The following ULK4 variants were observed in gnomAD, a reference collection of about 807,000 sequenced individuals.
The protein encoded by ULK4 is unc-51 like kinase 4.
A neutral mutation model predicts 160.6 loss-of-function variants in ULK4; 133 were observed. The ratio of observed to expected loss-of-function variants is 0.83; its 90% confidence interval spans 0.72 to 0.96. The LOEUF is 0.96. ULK4 is among the 40% of genes least tolerant of loss of function. ULK4 has a pLI of 0.00. For synonymous variants in ULK4, 534 were observed against 539.8 expected (o/e 0.99, Z 0.15); for missense variants, 1,580 against 1,499.5 (o/e 1.05, Z -0.89).
At chr3:41,959,462 G>A (rs1255763749) in intron 1 of ULK4, among the ~76,000 whole-genome samples, 2 of 151,868 alleles carry the variant, frequency 1.3e-5, no homozygotes, top group Non-Finnish European at 2.9e-5. Context: ...AGGAGGCACA[G>A]GTTGCAGTGA....
At chr3:41,849,777 T>TC (rs1398206538) in intron 17 of ULK4, among the ~76,000 whole-genome samples, 1 of 152,164 alleles carries the variant, frequency 6.6e-6, no homozygotes, top group African/African-American at 2.4e-5. Flanking sequence ...TGCCTTTCTC[T>TC]CAATTTTGAT....
At chr3:41,825,526 G>A (rs972338130) in intron 18 of ULK4, among the ~76,000 whole-genome samples, 6 of 152,204 alleles carry the variant, frequency 3.9e-5, no homozygotes, top group African/African-American at 7.2e-5. Flanking sequence ...CGCAAGCCTC[G>A]GTAGCCAATT....
chr3:41,516,247 CT>C (rs1157568434), intron 32 of ULK4, among the ~76,000 whole-genome samples: 1 of 152,098 alleles, frequency 6.6e-6, no homozygotes, highest in African/African-American at 2.4e-5. Flanking sequence ...TTTTTAAACT[CT>C]TTGTGTAACT....
intron 32 of ULK4, among the ~76,000 whole-genome samples, chr3:41,490,909 T>C (rs941537959): frequency 1.3e-5 from 2 of 152,118 alleles, no homozygotes; most frequent in African/African-American, 4.8e-5. Context: ...CAATCAGTGC[T>C]CAATAAATGT....
intron 17 of ULK4, chr3:41,859,611 G>A (rs1415678184): frequency 6.1e-6 from 3 of 494,014 alleles, no homozygotes; most frequent in African/African-American, 6.0e-5. Context: ...TGCCTGAGCT[G>A]CCAGCCTCTG....
At chr3:41,472,558 G>A (rs1322302560) in intron 32 of ULK4, among the ~76,000 whole-genome samples, 2 of 147,646 alleles carry the variant, frequency 1.4e-5, no homozygotes, top group African/African-American at 5.0e-5. Flanking sequence ...GACAGAGTGG[G>A]ACTGTCAAAA....
intron 15 of ULK4, among the ~76,000 whole-genome samples, chr3:41,896,098 T>C (rs1213035800): frequency 6.6e-6 from 1 of 152,092 alleles, no homozygotes; most frequent in Non-Finnish European, 1.5e-5. Context: ...AAAAATGTCT[T>C]AGAGGATTGA....
chr3:41,631,975 G>A (rs1223369052), intron 30 of ULK4, among the ~76,000 whole-genome samples: 1 of 152,130 alleles, frequency 6.6e-6, no homozygotes, highest in Non-Finnish European at 1.5e-5. Context: ...TTCTTTCTGG[G>A]TCCTGAGCCT....
chr3:41,315,639 C>G (rs545194839), intron 35 of ULK4, among the ~76,000 whole-genome samples: 2 of 152,160 alleles, frequency 1.3e-5, no homozygotes, highest in South Asian at 4.1e-4. Context: ...CTTCCCGGCT[C>G]GGCACTACAG....
intron 21 of ULK4, among the ~76,000 whole-genome samples, chr3:41,785,500 T>C (rs537819729): frequency 6.6e-6 from 1 of 152,314 alleles, no homozygotes; most frequent in African/African-American, 2.4e-5. Context: ...TAATTTCTTT[T>C]ATTTAAAAGG....
intron 19 of ULK4, among the ~76,000 whole-genome samples, chr3:41,817,499 T>C (rs764213475): frequency 6.6e-6 from 1 of 152,184 alleles, no homozygotes; most frequent in African/African-American, 2.4e-5. Context: ...GAAGCCATTA[T>C]CCTAAACAAA....
chr3:41,673,244 T>C (rs2035596717), intron 29 of ULK4, among the ~76,000 whole-genome samples: 1 of 152,108 alleles, frequency 6.6e-6, no homozygotes, highest in African/African-American at 2.4e-5. Flanking sequence ...ATACCTATTT[T>C]AACATAGAAT....
chr3:41,682,067 T>C (rs2035941642), intron 27 of ULK4, among the ~76,000 whole-genome samples: 2 of 152,214 alleles, frequency 1.3e-5, no homozygotes, highest in African/African-American at 4.8e-5. Context: ...TGAAAGGAAC[T>C]TTAGAATATA....
intron 35 of ULK4, among the ~76,000 whole-genome samples, chr3:41,261,221 GTCAAGAAA>G (rs1334831237): frequency 6.6e-6 from 1 of 152,138 alleles, no homozygotes; most frequent in Non-Finnish European, 1.5e-5. Flanking sequence ...TGGGATTTGC[GTCAAGAAA>G]GGAAATTAAC....
chr3:41,365,716 C>G (rs540782133), intron 35 of ULK4, among the ~76,000 whole-genome samples: 1 of 152,096 alleles, frequency 6.6e-6, no homozygotes, highest in African/African-American at 2.4e-5. Context: ...TGCCTAACCC[C>G]CAAGCCCCTG....
chr3:41,872,177 G>A, intron 17 of ULK4, among the ~76,000 whole-genome samples: 1 of 152,112 alleles, frequency 6.6e-6, no homozygotes, highest in East Asian at 1.9e-4. Context: ...AATTTCAATG[G>A]AAAGTTAAAG....
chr3:41,803,633 C>A (rs996243838), intron 19 of ULK4, among the ~76,000 whole-genome samples: 1 of 152,136 alleles, frequency 6.6e-6, no homozygotes, highest in African/African-American at 2.4e-5. Context: ...TATCCCTCCC[C>A]ACTCCCCCTA....
chr3:41,306,905 G>A (rs2079952861), intron 35 of ULK4, among the ~76,000 whole-genome samples: 1 of 151,608 alleles, frequency 6.6e-6, no homozygotes, highest in East Asian at 1.9e-4. Context: ...AATGGATTAA[G>A]GGCAGTGCAA....
rs747237247 is a variant in ULK4 at position 41,341,336 on chromosome 3, C to T, written c.3678+56743G>A. On this transcript the variant is annotated intron_variant, in intron 35 of 36. Coordinates refer to ENST00000301831, the MANE Select transcript of ULK4 (RefSeq NM_017886.4). ...ATTATTTTCCAACAAATATTCACTT[C>T]GGCTTGACCATGTGACTTTTTACTT... Among the ~76,000 whole-genome samples, 9 of 152,154 alleles carry T rather than the reference C, an allele frequency of 5.9e-5. 1 individual carries two copies. Among genetic ancestry groups the T allele is most frequent in the Non-Finnish European group, 1.3e-4 (9 of 68,044 alleles).
Sources: gnomAD v4.1 joint callset for allele counts (sites outside exome capture counted in the v4.1 genomes callset) on GRCh38, gnomAD v4.1.1 for gene constraint, MANE v1.5 for transcripts, NCBI Gene and HGNC (gene_info 2026-07-23, HGNC 2026-07-21) for gene names.